The following KLHL35 variants were observed in gnomAD, a reference collection of about 807,000 sequenced individuals.
The protein encoded by KLHL35 is kelch like family member 35, also known as kelch-like protein 35.
A neutral mutation model predicts 44.0 loss-of-function variants in KLHL35; 50 were observed. The observed-to-expected ratio is 1.14, with a 90% CI of 0.91 to 1.44. The LOEUF (loss-of-function observed/expected upper bound fraction) is 1.44. Among genes scored for constraint, KLHL35 ranks in the 40% most tolerant of loss-of-function variants. KLHL35 has a pLI of 0.00. For missense variants in KLHL35, 1,049 were observed against 887.8 expected, an observed-to-expected ratio of 1.18 and a Z score of -2.31; for synonymous variants, 470 against 410.4, an observed-to-expected ratio of 1.15 and a Z score of -1.76.
rs1173489981 is a variant in KLHL35 at position 75,430,537 on chromosome 11, C to G, written c.93G>C (p.Leu31=). Residue 31 remains leucine (L), a synonymous_variant, in exon 2 of 7, where the codon CTG becomes CTC. Transcript: ENST00000539798. ...PCHAQRVLQA[L]NAYRRSGTLT... ...GGGTGCCGCTCCGCCGGTAGGCGTT[C>G]AGGGCCTGCAGCACGCGCTGCGCGT... is the stretch of plus-strand genomic sequence containing the variant. 2 of 1,450,648 alleles carry G rather than the reference C, an allele frequency of 1.4e-6. No individual in the cohort carries two copies. The highest frequency in any genetic ancestry group is 5.2e-5 in the Admixed American group (2 of 38,832). The allele number at this position is 1,450,648 out of a possible 1,614,324, so 89.9% of individuals were successfully genotyped here.
Position 75,430,036 on chromosome 11 carries a change from C to A in KLHL35, c.594G>T (p.Glu198Asp). The change falls in exon 2 of 7, where the codon GAG becomes GAT. Residue 198 changes from glutamate (E) to aspartate (D), a missense_variant. Transcript: ENST00000539798. ...CGGGGTCCGCCAGCAGCGCCACCAC[C>A]TCGTCAGGCGCCAGCTCCAGGAAGT... ...HADFLELAPD[E>D]VVALLADPAL... The A allele has an allele frequency of 7.1e-7, 1 of 1,417,468 alleles. No homozygotes were observed. Among genetic ancestry groups the A allele is most frequent in the South Asian group, 1.4e-5 (1 of 70,596 alleles). The allele number at this position is 1,417,468 out of a possible 1,614,324, so 87.8% of individuals were successfully genotyped here.
chr11:75,426,662 GC>G, intron 3 of KLHL35, 24 bp from the exon 4 acceptor site: 1 of 1,501,084 alleles, frequency 6.7e-7, no homozygotes. Context: ...AGCAGCTGTT[GC>G]CCATCGGCTC....
chr11:75,431,490 C>T (rs1948536652), intron 1 of KLHL35, among the ~76,000 whole-genome samples: 2 of 152,100 alleles, frequency 1.3e-5, no homozygotes, highest in Non-Finnish European at 2.9e-5. Context: ...GGGAGGGCGT[C>T]CCTGAGGGGA....
rs768375309 is a variant in KLHL35 at position 75,423,833 on chromosome 11, T to C, written c.1422A>G (p.Pro474=). 31 of 1,613,748 alleles carry C rather than the reference T, an allele frequency of 1.9e-5. No homozygotes were observed. The highest frequency in any genetic ancestry group is 2.5e-5 in the Non-Finnish European group (30 of 1,179,836). ...PKEDRWSLRS[P]APFSQRCLEA... is the part of the protein sequence containing the mutation. Reference sequence around the variant, plus strand: ...CGAGACACCGCTGTGAGAAGGGTGCTGGTGACCGCAGGCTCCACCGGTCCT... The same window carrying C: ...CGAGACACCGCTGTGAGAAGGGTGCCGGTGACCGCAGGCTCCACCGGTCCT... Residue 474 remains proline (P), a synonymous_variant, in exon 6 of 7, where the codon CCA becomes CCG. Coordinates refer to ENST00000539798, the MANE Select transcript of KLHL35 (RefSeq NM_001039548.3).
In KLHL35 at chr11:75,430,554, G is replaced by C. The variant is rs2135085639; in HGVS notation, c.76C>G (p.Arg26Gly). Residue 26 changes from arginine to glycine, a missense_variant, in exon 2 of 7, where the codon CGC becomes GGC. Arg to Gly is a moderately radical substitution (Grantham distance 125). Coordinates refer to ENST00000539798, the MANE Select transcript of KLHL35 (RefSeq NM_001039548.3). The stretch of plus-strand genomic sequence containing the variant: ...TAGGCGTTCAGGGCCTGCAGCACGC[G>C]CTGCGCGTGGCACGGACCCGCGCAC... ...APCAGPCHAQ[R>G]VLQALNAYRR... is the part of the protein sequence containing the mutation. The C allele has an allele frequency of 6.9e-7, 1 of 1,449,952 alleles. No individual in the cohort carries two copies. Among genetic ancestry groups the C allele is most frequent in the Middle Eastern group, 2.3e-4 (1 of 4,282 alleles). 89.8% of individuals were successfully genotyped at this position (1,449,952 alleles called of 1,614,324 possible). A position where few individuals can be genotyped will look rare whatever the true frequency, so the allele number is the denominator to read the frequency against.
chr11:75,432,433 T>C (rs1948544423), intron 1 of KLHL35, among the ~76,000 whole-genome samples: 3 of 152,108 alleles, frequency 2.0e-5, no homozygotes, highest in Non-Finnish European at 4.4e-5. Flanking sequence ...TGGGGGTGTG[T>C]CCCAAGGAGC....
Position 75,430,052 on chromosome 11 carries a change from T to C in KLHL35, c.578A>G (p.Glu193Gly), listed in dbSNP as rs2135084624. 1 of 1,403,032 alleles carries C rather than the reference T, an allele frequency of 7.1e-7. No individual in the cohort carries two copies. Among genetic ancestry groups the C allele is most frequent in the South Asian group, 1.5e-5 (1 of 68,182 alleles). 86.9% of individuals were successfully genotyped at this position (1,403,032 alleles called of 1,614,324 possible). ...CGCCACCACCTCGTCAGGCGCCAGC[T>C]CCAGGAAGTCGGCGTGGCGCGCCAC... ...AEVARHADFL[E>G]LAPDEVVALL... Residue 193 changes from glutamate to glycine, a missense_variant, in exon 2 of 7, where the codon GAG (glutamate) becomes GGG (glycine). Glu to Gly is a moderately conservative substitution (Grantham distance 98). Transcript: ENST00000539798.
intron 3 of KLHL35, among the ~76,000 whole-genome samples, chr11:75,427,657 CCA>C (rs1948502544): frequency 6.6e-6 from 1 of 152,186 alleles, no homozygotes; most frequent in African/African-American, 2.4e-5. Context: ...CCACCTAGCC[CCA>C]GACTCAAAGC....
chr11:75,429,223 T>A (rs771318813), intron 2 of KLHL35, among the ~76,000 whole-genome samples: 1 of 152,228 alleles, frequency 6.6e-6, no homozygotes, highest in Admixed American at 6.5e-5. Flanking sequence ...CATACCCTTT[T>A]AGCCATTGGT....
chr11:75,425,762 G>A, intron 4 of KLHL35, 181 bp from the exon 5 acceptor site: 1 of 484,582 alleles, frequency 2.1e-6, no homozygotes, highest in Non-Finnish European at 3.5e-6. Context: ...CCCAGTTGCT[G>A]TACCTCCCTG....
At chr11:75,430,734 G>C (rs1272646228) in intron 1 of KLHL35, 104 bp from the exon 2 acceptor site, 11 of 1,002,854 alleles carry the variant, frequency 1.1e-5, no homozygotes, top group Non-Finnish European at 1.4e-5. Flanking sequence ...CATTTGTTCA[G>C]CGACTCTCCC....
chr11:75,430,775 A>C (rs976020490), intron 1 of KLHL35, 145 bp from the exon 2 acceptor site: 1 of 677,478 alleles, frequency 1.5e-6, no homozygotes, highest in African/African-American at 1.9e-5. Flanking sequence ...CCTTACGGCT[A>C]CAGTGCCCCA....
At chr11:75,429,525 T>G (rs934064605) in intron 2 of KLHL35, among the ~76,000 whole-genome samples, 3 of 152,206 alleles carry the variant, frequency 2.0e-5, no homozygotes, top group African/African-American at 7.2e-5. Context: ...GGAATTACGG[T>G]TGCATGGGCC....
Position 75,430,462 on chromosome 11 carries a change from G to A in KLHL35, c.168C>T (p.Arg56=). ...AGGCGCTGCCCGCGCTGAGCGCCGC[G>A]CGGTGGCACGGAAAGTCGCGCCCGC... is the stretch of plus-strand genomic sequence containing the variant. The part of the protein sequence containing the change: ...RAGGRDFPCH[R]AALSAGSAYF... Residue 56 remains arginine, a synonymous_variant, in exon 2 of 7, where the codon CGC becomes CGT. Coordinates refer to ENST00000539798, the MANE Select transcript of KLHL35 (RefSeq NM_001039548.3). The A allele has an allele frequency of 1.4e-6, 2 of 1,393,882 alleles. No individual in the cohort carries two copies. Among genetic ancestry groups the A allele is most frequent in the Non-Finnish European group, 1.9e-6 (2 of 1,077,944 alleles). The allele number at this position is 1,393,882 out of a possible 1,614,324, so 86.3% of individuals were successfully genotyped here.
At chr11:75,428,387 G>C (rs563422542) in intron 3 of KLHL35, 55 bp downstream of exon 3, 3 of 1,585,736 alleles carry the variant, frequency 1.9e-6, no homozygotes, top group East Asian at 2.3e-5. Flanking sequence ...AGGGGGTGGA[G>C]TGCGGAGGCT....
chr11:75,428,441 C>T lies in KLHL35; in HGVS notation c.1066+1G>A, dbSNP rs377254998. On this transcript the variant is annotated splice_donor_variant, in intron 3 of 6. Transcript: ENST00000539798. LOFTEE classifies it high-confidence loss of function. ...AGCTCCCGTTGCGGCTCCGCCCTCA[C>T]CGGAGACGTAGACGTCATTGCGGAG... 8 of 1,612,272 alleles carry T rather than the reference C, an allele frequency of 5.0e-6. No individual in the cohort carries two copies. In the East Asian group the frequency reaches 1.1e-4, roughly 22 times the overall value.
chr11:75,426,042 G>A (rs1022766049), intron 4 of KLHL35: 2 of 155,836 alleles, frequency 1.3e-5, no homozygotes, highest in Non-Finnish European at 2.8e-5. Context: ...TGCAAGCTCC[G>A]CCTCCCAGGT....
At position 75,430,543 on chromosome 11, in the gene KLHL35, C is replaced by T. The variant is rs945899720; in HGVS notation, c.87G>A (p.Gln29=). The T allele has an allele frequency of 2.7e-5, 39 of 1,458,458 alleles. No homozygotes were observed. In the African/African-American group the frequency reaches 4.7e-4, roughly 18 times the overall value. The allele number at this position is 1,458,458 out of a possible 1,614,324, so 90.3% of individuals were successfully genotyped here. A position where few individuals can be genotyped will look rare whatever the true frequency, so the allele number is the denominator to read the frequency against. The change falls in exon 2 of 7, where the codon CAG becomes CAA. Residue 29 remains glutamine, a synonymous_variant. Transcript: ENST00000539798. Reference sequence around the variant, plus strand: ...CGCTCCGCCGGTAGGCGTTCAGGGCCTGCAGCACGCGCTGCGCGTGGCACG... The same window carrying T: ...CGCTCCGCCGGTAGGCGTTCAGGGCTTGCAGCACGCGCTGCGCGTGGCACG... ...AGPCHAQRVL[Q]ALNAYRRSGT...
At chr11:75,428,107 A>G (rs943680292) in intron 3 of KLHL35, among the ~76,000 whole-genome samples, 1 of 152,224 alleles carries the variant, frequency 6.6e-6, no homozygotes, top group Non-Finnish European at 1.5e-5. Flanking sequence ...TCTGTAAAAC[A>G]GCATTGTAGG....
Sources: allele counts gnomAD v4.1 joint callset (sites outside exome capture counted in the v4.1 genomes callset), GRCh38; gene constraint gnomAD v4.1.1; transcripts MANE v1.5; gene names NCBI Gene and HGNC (gene_info 2026-07-23, HGNC 2026-07-21).